SLC9A2: variants seen among roughly 807,000 people sequenced by gnomAD.
The protein encoded by SLC9A2 is solute carrier family 9 member A2.
In SLC9A2, 42 loss-of-function variants were observed where a neutral mutation model predicts 71.7. The observed-to-expected ratio is 0.59, with a 90% CI of 0.46 to 0.76. SLC9A2 has a LOEUF of 0.76. SLC9A2 is among the 30% of genes least tolerant of loss of function. The pLI is 0.00. For missense variants in SLC9A2, 829 were observed against 1,017.4 expected (o/e 0.81, Z 2.52); for synonymous variants, 396 against 392.5 (o/e 1.01, Z -0.10).
chr2:102,620,233 C>A, intron 1 of SLC9A2, 96 bp downstream of exon 1: 4 of 1,060,732 alleles, frequency 3.8e-6, no homozygotes, highest in Non-Finnish European at 5.4e-6. Flanking sequence ...AGATAGTGAC[C>A]GCCTCATCTT....
chr2:102,673,789 T>C (rs1677298329), intron 3 of SLC9A2, among the ~76,000 whole-genome samples: 1 of 117,172 alleles, frequency 8.5e-6, no homozygotes, highest in South Asian at 2.3e-4. Context: ...AAATAAATAC[T>C]TTTTTTTTTT....
intron 2 of SLC9A2, among the ~76,000 whole-genome samples, chr2:102,659,007 C>T (rs185006919): frequency 1.4e-4 from 21 of 152,266 alleles, no homozygotes; most frequent in African/African-American, 5.1e-4. Flanking sequence ...ACAGGCATTC[C>T]TCCCATTATT....
At chr2:102,650,430 AT>A (rs1558707444) in intron 1 of SLC9A2, among the ~76,000 whole-genome samples, 3 of 152,224 alleles carry the variant, frequency 2.0e-5, no homozygotes, top group Non-Finnish European at 4.4e-5. Flanking sequence ...ACAATGGTAC[AT>A]GTATACCTAT....
chr2:102,635,372 G>A (rs755289414), intron 1 of SLC9A2, among the ~76,000 whole-genome samples: 5 of 152,236 alleles, frequency 3.3e-5, no homozygotes, highest in Non-Finnish European at 5.9e-5. Context: ...GTGTTCGCTC[G>A]TGAAGTTTCT....
chr2:102,653,174 T>C (rs1676868236), intron 1 of SLC9A2, among the ~76,000 whole-genome samples: 2 of 152,216 alleles, frequency 1.3e-5, no homozygotes, highest in South Asian at 4.1e-4. Context: ...AGATCTTGTG[T>C]GACAGCCCTT....
At chr2:102,666,560 A>C (rs1430515004) in intron 3 of SLC9A2, among the ~76,000 whole-genome samples, 1 of 152,208 alleles carries the variant, frequency 6.6e-6, no homozygotes, top group African/African-American at 2.4e-5. Flanking sequence ...CCAGGAATTT[A>C]CTAAAGATAT....
intron 9 of SLC9A2, among the ~76,000 whole-genome samples, chr2:102,703,021 G>A (rs563332314): frequency 6.6e-6 from 1 of 152,278 alleles, no homozygotes; most frequent in East Asian, 1.9e-4. Flanking sequence ...CCTCCAGTGA[G>A]TGGTAGGTGT....
At chr2:102,666,482 C>T (rs1161529958) in intron 3 of SLC9A2, among the ~76,000 whole-genome samples, 2 of 152,164 alleles carry the variant, frequency 1.3e-5, no homozygotes, top group African/African-American at 4.8e-5. Context: ...CAGGTGTGAG[C>T]CACCGCGCCC....
chr2:102,695,792 T>TATATATATA (rs1553429174), intron 7 of SLC9A2, among the ~76,000 whole-genome samples: 27 of 39,864 alleles, frequency 6.8e-4, no homozygotes, highest in African/African-American at 1.7e-3. Flanking sequence ...ATATATATTA[T>TATATATATA]ATATATATTA....
intron 1 of SLC9A2, among the ~76,000 whole-genome samples, chr2:102,629,448 G>C (rs1027926242): frequency 6.6e-6 from 1 of 151,974 alleles, no homozygotes; most frequent in Non-Finnish European, 1.5e-5. Flanking sequence ...TATCAAATGA[G>C]TTATGTTATT....
chr2:102,683,452 CCTT>C lies in SLC9A2; in HGVS notation c.1199_1201del (p.Phe400del). Reference sequence around the variant, plus strand: ...TGGGCCTTCGTCTGCTTCACCCTGGCCTTCTGCCTCATGTGGCGAGCCCTGGGT... The same window carrying C: ...TGGGCCTTCGTCTGCTTCACCCTGGCCTGCCTCATGTGGCGAGCCCTGGGT... On this transcript the variant is annotated inframe_deletion, in exon 4 of 12. Coordinates refer to ENST00000233969, the MANE Select transcript of SLC9A2 (RefSeq NM_003048.6). The C allele has an allele frequency of 1.2e-6, 2 of 1,614,156 alleles. No individual in the cohort carries two copies. The highest frequency in any genetic ancestry group is 1.7e-6 in the Non-Finnish European group (2 of 1,180,000).
intron 1 of SLC9A2, among the ~76,000 whole-genome samples, chr2:102,643,460 T>A (rs984914786): frequency 2.6e-5 from 4 of 152,208 alleles, no homozygotes; most frequent in African/African-American, 9.7e-5. Context: ...CCCTATTCTC[T>A]TGTCTAGATA....
At chr2:102,699,887 G>A (rs1677841703) in intron 7 of SLC9A2, among the ~76,000 whole-genome samples, 1 of 151,920 alleles carries the variant, frequency 6.6e-6, no homozygotes, top group Non-Finnish European at 1.5e-5. Flanking sequence ...GTATGTTTTG[G>A]AATCCAAACC....
chr2:102,679,799 TCAGAGGGAAATGTTTAG>T (rs1677416547), intron 3 of SLC9A2, among the ~76,000 whole-genome samples: 3 of 152,220 alleles, frequency 2.0e-5, no homozygotes, highest in Non-Finnish European at 4.4e-5. Context: ...GAACATAATT[TCAGAGGGAAATGTTTAG>T]AACATTTAGA....
chr2:102,665,219 C>G lies in SLC9A2; in HGVS notation c.873C>G (p.Phe291Leu), dbSNP rs1677111990. The G allele has an allele frequency of 6.2e-7, 1 of 1,614,030 alleles. No individual in the cohort carries two copies. The highest frequency in any genetic ancestry group is 8.5e-7 in the Non-Finnish European group (1 of 1,180,018). ...TCGGTGGGGTGCTGATTGGCATCTT[C>G]TTGGGCTTTATAGCGGCATTTACTA... ...VGIGGVLIGI[F>L]LGFIAAFTTR... is the part of the protein sequence containing the mutation. Residue 291 changes from phenylalanine to leucine, a missense_variant, in exon 3 of 12, where the codon TTC (phenylalanine) becomes TTG (leucine). By Grantham distance (22) the Phe-to-Leu change is conservative. Transcript: ENST00000233969.
At chr2:102,689,887 A>G (rs1200787772) in intron 5 of SLC9A2, 2 of 152,236 alleles carry the variant, frequency 1.3e-5, no homozygotes, top group Non-Finnish European at 2.9e-5. Flanking sequence ...TTGGACATAT[A>G]TATTTGCCTA....
intron 1 of SLC9A2, among the ~76,000 whole-genome samples, chr2:102,645,479 G>T (rs1442588366): frequency 6.6e-6 from 1 of 152,092 alleles, no homozygotes; most frequent in Non-Finnish European, 1.5e-5. Context: ...GTAGGCTTCA[G>T]AAGGTAGGTA....
At chr2:102,623,919 A>T (rs569718030) in intron 1 of SLC9A2, among the ~76,000 whole-genome samples, 1 of 152,106 alleles carries the variant, frequency 6.6e-6, no homozygotes, top group East Asian at 1.9e-4. Flanking sequence ...AATATAATAT[A>T]TATTACATTA....
intron 3 of SLC9A2, among the ~76,000 whole-genome samples, chr2:102,679,425 A>G (rs1573423341): frequency 6.6e-6 from 1 of 150,862 alleles, no homozygotes; most frequent in Non-Finnish European, 1.5e-5. Flanking sequence ...TCGGTTGCCC[A>G]GGCTGGAGTG....
Sources: gnomAD v4.1 joint callset for allele counts (sites outside exome capture counted in the v4.1 genomes callset) on GRCh38, gnomAD v4.1.1 for gene constraint, MANE v1.5 for transcripts, NCBI Gene and HGNC (gene_info 2026-07-23, HGNC 2026-07-21) for gene names.